Variants in AUTS2 observed in about 807,000 individuals in gnomAD.
AUTS2 encodes autism susceptibility gene 2 protein.
In AUTS2, 17 loss-of-function variants were observed where a neutral mutation model predicts 112.4. The observed-to-expected ratio is 0.15, with a 90% CI of 0.10 to 0.23. AUTS2 has a LOEUF of 0.23. Ranked by LOEUF, AUTS2 falls within the 10% of genes least tolerant of loss-of-function variation. The pLI is 1.00. For missense variants in AUTS2, 1,510 were observed against 1,701.6 expected (o/e 0.89, Z 1.98); for synonymous variants, 751 against 702.7 (o/e 1.07, Z -1.09).
chr7:70,166,404 G>A (rs1302711181), intron 4 of AUTS2, among the ~76,000 whole-genome samples: 1 of 152,002 alleles, frequency 6.6e-6, no homozygotes. Context: ...TATATTATGG[G>A]GTTTATAACA....
chr7:70,791,530 A>T lies in AUTS2; in HGVS notation c.*534A>T, dbSNP rs1271026622. The T allele has an allele frequency of 2.0e-5, 3 of 152,350 alleles. No homozygotes were observed. The highest frequency in any genetic ancestry group is 7.3e-5 in the African/African-American group (3 of 41,372). 9.4% of individuals were successfully genotyped at this position (152,350 alleles called of 1,614,324 possible). ...AATGTGCTATTTGCAAACTTACTTA[A>T]TATCAGTGAACACAGTCGGCTAAAG... On this transcript the variant is annotated 3_prime_UTR_variant, in exon 19 of 19. Transcript: ENST00000342771.
At chr7:70,062,512 C>CAAAAA (rs35625069) in intron 2 of AUTS2, among the ~76,000 whole-genome samples, 1 of 121,788 alleles carries the variant, frequency 8.2e-6, no homozygotes, top group African/African-American at 2.9e-5. Flanking sequence ...GACTCCGTCT[C>CAAAAA]AAAAAAAAAA....
chr7:70,325,116 G>A lies in AUTS2; in HGVS notation c.661-110636G>A, dbSNP rs76339892. ...GGGGATGAAAGGAGAGAAGTGGGAGGCTGGAAGGAGTGAGGTTTCTTGTCC... is the reference window on the plus strand; with the variant it reads ...GGGGATGAAAGGAGAGAAGTGGGAGACTGGAAGGAGTGAGGTTTCTTGTCC... On this transcript the variant is annotated intron_variant, in intron 4 of 18. Coordinates refer to ENST00000342771, the MANE Select transcript of AUTS2 (RefSeq NM_015570.4). Among the ~76,000 whole-genome samples, 14 of 152,192 alleles carry A rather than the reference G, an allele frequency of 9.2e-5. No homozygotes were observed. In the East Asian group the frequency reaches 2.1e-3, roughly 23 times the overall value.
At chr7:70,384,244 T>C (rs1481161545) in intron 4 of AUTS2, among the ~76,000 whole-genome samples, 1 of 152,180 alleles carries the variant, frequency 6.6e-6, no homozygotes, top group East Asian at 1.9e-4. Context: ...CCACTCTGCC[T>C]GAGGGATTGA....
At chr7:70,532,489 C>G (rs1800138147) in intron 5 of AUTS2, among the ~76,000 whole-genome samples, 1 of 152,164 alleles carries the variant, frequency 6.6e-6, no homozygotes, top group Admixed American at 6.5e-5. Context: ...CTACCCAGAG[C>G]TTAGCTGATA....
intron 1 of AUTS2, among the ~76,000 whole-genome samples, chr7:69,724,867 T>C (rs1201417323): frequency 6.6e-6 from 1 of 152,224 alleles, no homozygotes; most frequent in Admixed American, 6.5e-5. Context: ...GAATTGGTTC[T>C]GGATTATTGA....
intron 2 of AUTS2, among the ~76,000 whole-genome samples, chr7:69,923,108 G>T (rs1795877814): frequency 6.6e-6 from 1 of 152,110 alleles, no homozygotes; most frequent in African/African-American, 2.4e-5. Context: ...TTTCCAAAAG[G>T]TATACTTGAC....
intron 4 of AUTS2, among the ~76,000 whole-genome samples, chr7:70,167,731 TTAAA>T (rs1808458704): frequency 6.6e-6 from 1 of 152,194 alleles, no homozygotes; most frequent in African/African-American, 2.4e-5. Flanking sequence ...CACAACAGAC[TTAAA>T]CTAGAACTCA....
At chr7:70,084,060 A>G (rs984402410) in intron 2 of AUTS2, among the ~76,000 whole-genome samples, 2 of 152,258 alleles carry the variant, frequency 1.3e-5, no homozygotes, top group East Asian at 1.9e-4. Context: ...CCCTGGCAAA[A>G]AAACAAAACA....
At chr7:70,344,389 A>G (rs554598882) in intron 4 of AUTS2, among the ~76,000 whole-genome samples, 123 of 152,218 alleles carry the variant, frequency 8.1e-4, no homozygotes, top group African/African-American at 2.8e-3. Flanking sequence ...CTTTTCTCCA[A>G]TTTCTCATAT....
intron 4 of AUTS2, among the ~76,000 whole-genome samples, chr7:70,215,244 C>T (rs561800016): frequency 6.6e-6 from 1 of 152,324 alleles, no homozygotes; most frequent in East Asian, 1.9e-4. Context: ...CATGCCACTG[C>T]AGTCCAGCCT....
intron 4 of AUTS2, among the ~76,000 whole-genome samples, chr7:70,398,875 C>A (rs1188543722): frequency 6.7e-6 from 1 of 150,220 alleles, no homozygotes; most frequent in African/African-American, 2.5e-5. Flanking sequence ...TGAAAAAGTT[C>A]TTTTCTAATC....
chr7:69,735,741 A>G (rs1787000960), intron 1 of AUTS2, among the ~76,000 whole-genome samples: 1 of 152,190 alleles, frequency 6.6e-6, no homozygotes, highest in South Asian at 2.1e-4. Context: ...CCCCCTGACA[A>G]GGAGTCTTGT....
At chr7:70,643,598 C>T (rs1193202850) in intron 5 of AUTS2, among the ~76,000 whole-genome samples, 1 of 152,170 alleles carries the variant, frequency 6.6e-6, no homozygotes, top group Non-Finnish European at 1.5e-5. Flanking sequence ...AAAAGTGTGA[C>T]AAACCTAAGT....
intron 14 of AUTS2, among the ~76,000 whole-genome samples, chr7:70,780,301 G>A (rs1293862965): frequency 6.6e-6 from 1 of 152,142 alleles, no homozygotes; most frequent in African/African-American, 2.4e-5. Flanking sequence ...TTGAGAGGAA[G>A]ATTAAGACCC....
chr7:70,109,805 A>G (rs1005928420), intron 2 of AUTS2, among the ~76,000 whole-genome samples: 2 of 152,270 alleles, frequency 1.3e-5, no homozygotes, highest in East Asian at 3.9e-4. Flanking sequence ...CATGGCTTGA[A>G]TCCGTCCCTC....
intron 5 of AUTS2, among the ~76,000 whole-genome samples, chr7:70,488,357 G>A (rs974078584): frequency 3.9e-5 from 6 of 152,152 alleles, no homozygotes; most frequent in African/African-American, 1.4e-4. Context: ...CATGGAGGCC[G>A]GGGCTTTTGT....
At chr7:70,677,490 T>G (rs1807975538) in intron 5 of AUTS2, among the ~76,000 whole-genome samples, 2 of 152,188 alleles carry the variant, frequency 1.3e-5, no homozygotes, top group Admixed American at 1.3e-4. Context: ...GTTGCATCAC[T>G]GCCACACACT....
At chr7:69,680,475 C>A (rs747229543) in intron 1 of AUTS2, among the ~76,000 whole-genome samples, 12 of 152,030 alleles carry the variant, frequency 7.9e-5, no homozygotes, top group Admixed American at 2.0e-4. Context: ...CAAAGTGTAC[C>A]ATCTTAACCA....
Sources: allele counts gnomAD v4.1 joint callset (sites outside exome capture counted in the v4.1 genomes callset), GRCh38; gene constraint gnomAD v4.1.1; transcripts MANE v1.5; gene names NCBI Gene and HGNC (gene_info 2026-07-23, HGNC 2026-07-21).